The following ZNF804B variants were observed in gnomAD, a reference collection of about 807,000 sequenced individuals.
ZNF804B encodes zinc finger 804B.
A neutral mutation model predicts 101.4 loss-of-function variants in ZNF804B; 80 were observed. The observed-to-expected ratio is 0.79, with a 90% CI of 0.66 to 0.95. The LOEUF is 0.95. ZNF804B is among the 40% of genes least tolerant of loss of function. The pLI, the probability that ZNF804B is intolerant of heterozygous loss-of-function variation, is 0.00. For missense variants in ZNF804B, 1,673 were observed against 1,561.9 expected (o/e 1.07, Z -1.20); for synonymous variants, 622 against 558.8 (o/e 1.11, Z -1.59).
At chr7:89,257,654 T>C (rs1413562389) in intron 2 of ZNF804B, among the ~76,000 whole-genome samples, 2 of 152,134 alleles carry the variant, frequency 1.3e-5, no homozygotes, top group African/African-American at 4.8e-5. Flanking sequence ...CATGTGCAGG[T>C]TTGTTATAGA....
intron 1 of ZNF804B, among the ~76,000 whole-genome samples, chr7:89,015,442 C>T (rs1037025756): frequency 1.3e-5 from 2 of 151,768 alleles, no homozygotes; most frequent in Admixed American, 6.6e-5. Context: ...CCCATTAACT[C>T]GTCATTTAGC....
Position 89,288,837 on chromosome 7 carries a change from T to C in ZNF804B, c.250-38507T>C, listed in dbSNP as rs528749726. 1.4e-3 allele frequency among the ~76,000 whole-genome samples: 220 copies of C among 152,296 alleles called. 1 individual carries two copies. The South Asian group carries it at 0.018, about 13-fold the overall frequency. On this transcript the variant is annotated intron_variant, in intron 2 of 3. Transcript: ENST00000333190. ...AGAACATCAGAAAGGGTAAATATATTGGTAAATATAAAAGATGATTGACTT... is the reference window on the plus strand; with the variant it reads ...AGAACATCAGAAAGGGTAAATATATCGGTAAATATAAAAGATGATTGACTT...
chr7:89,176,571 TTTTCTTTCTTTC>T (rs1322230086), intron 1 of ZNF804B, among the ~76,000 whole-genome samples: 1 of 123,698 alleles, frequency 8.1e-6, no homozygotes, highest in Non-Finnish European at 1.7e-5. Flanking sequence ...CTTTTCTTTT[TTTTCTTTCTTTC>T]TTTCTTTCTT....
chr7:89,158,895 C>A (rs1036310288), intron 1 of ZNF804B, among the ~76,000 whole-genome samples: 1 of 152,114 alleles, frequency 6.6e-6, no homozygotes, highest in South Asian at 2.1e-4. Flanking sequence ...TTGAACCTCT[C>A]TCTATTGTGA....
intron 2 of ZNF804B, among the ~76,000 whole-genome samples, chr7:89,319,669 A>T (rs1790789794): frequency 6.6e-6 from 1 of 152,222 alleles, no homozygotes; most frequent in Non-Finnish European, 1.5e-5. Context: ...TACTTCTGAG[A>T]TAGAAGAATA....
At chr7:89,235,428 G>A (rs1212774933) in intron 2 of ZNF804B, among the ~76,000 whole-genome samples, 1 of 152,056 alleles carries the variant, frequency 6.6e-6, no homozygotes, top group Admixed American at 6.5e-5. Context: ...GGTCCATGGT[G>A]GTACACATGG....
chr7:89,037,272 C>A (rs763961942), intron 1 of ZNF804B, among the ~76,000 whole-genome samples: 1 of 151,936 alleles, frequency 6.6e-6, no homozygotes, highest in Non-Finnish European at 1.5e-5. Flanking sequence ...ATGTACAGAC[C>A]ACCAACATGC....
rs1363059542 is a variant in ZNF804B, at chr7:88,874,348, T to C, written c.108+114264T>C. Among the ~76,000 whole-genome samples the C allele has an allele frequency of 2.0e-5, 3 of 151,872 alleles. 1 individual carries two copies. The highest frequency in any genetic ancestry group is 2.0e-4 in the Admixed American group (3 of 15,232). On this transcript the variant is annotated intron_variant, in intron 1 of 3. Transcript: ENST00000333190. ...ATCCTGAGACTTTGCTGAAGTTGCT[T>C]ATCAGCTTAAGGAGATTTTGGGCTG...
chr7:89,036,894 A>T (rs976659671), intron 1 of ZNF804B, among the ~76,000 whole-genome samples: 3 of 152,142 alleles, frequency 2.0e-5, no homozygotes, highest in Admixed American at 2.0e-4. Context: ...CAGACAATAA[A>T]CAGTCAGAGT....
intron 1 of ZNF804B, among the ~76,000 whole-genome samples, chr7:88,783,344 G>A (rs1790256859): frequency 6.6e-6 from 1 of 152,086 alleles, no homozygotes; most frequent in Non-Finnish European, 1.5e-5. Context: ...AGGGGAGAAT[G>A]AGAAAGATGG....
intron 1 of ZNF804B, among the ~76,000 whole-genome samples, chr7:88,777,289 C>G (rs1042851796): frequency 1.3e-5 from 2 of 152,200 alleles, no homozygotes; most frequent in African/African-American, 4.8e-5. Context: ...CGCTAAGATG[C>G]TAAGGCAGTT....
intron 1 of ZNF804B, among the ~76,000 whole-genome samples, chr7:88,814,624 C>T (rs1007865414): frequency 6.6e-6 from 1 of 151,966 alleles, no homozygotes; most frequent in South Asian, 2.1e-4. Context: ...TAAATTTGGC[C>T]TCTATATTTT....
intron 1 of ZNF804B, among the ~76,000 whole-genome samples, chr7:88,851,386 AAAAGACACATTTTGGGAGAGAGGAAC>A (rs746049750): frequency 2.6e-5 from 4 of 152,244 alleles, no homozygotes; most frequent in African/African-American, 2.4e-5. Flanking sequence ...GCCAAAGGAA[AAAAGACACATTTTGGGAGAGAGGAAC>A]AAAGACACCA....
chr7:89,101,319 A>G (rs1451760826), intron 1 of ZNF804B, among the ~76,000 whole-genome samples: 1 of 152,044 alleles, frequency 6.6e-6, no homozygotes, highest in East Asian at 1.9e-4. Flanking sequence ...AGAAGTGAAT[A>G]TTTTGTATAC....
chr7:89,228,055 T>G (rs753504759), intron 2 of ZNF804B, among the ~76,000 whole-genome samples: 10 of 152,208 alleles, frequency 6.6e-5, no homozygotes, highest in Non-Finnish European at 1.2e-4. Context: ...AGAATGAAGC[T>G]GCAGACCCTC....
At chr7:88,854,491 C>CCTTTG (rs1791514520) in intron 1 of ZNF804B, among the ~76,000 whole-genome samples, 1 of 76,946 alleles carries the variant, frequency 1.3e-5, no homozygotes, top group African/African-American at 7.3e-5. Context: ...CCTTTCCTTT[C>CCTTTG]CTTTCCTTTC....
At chr7:88,970,471 T>A (rs3899697) in intron 1 of ZNF804B, among the ~76,000 whole-genome samples, 52,625 of 151,228 alleles carry the variant, frequency 0.35, 9,697 homozygotes, top group Middle Eastern at 0.44. Context: ...AACCAGATAT[T>A]CTAAGATTTC....
chr7:88,861,098 T>C (rs1000959358), intron 1 of ZNF804B, among the ~76,000 whole-genome samples: 2 of 152,166 alleles, frequency 1.3e-5, no homozygotes, highest in African/African-American at 4.8e-5. Flanking sequence ...TATATATTAA[T>C]CTACTAGAGT....
chr7:88,777,901 T>A (rs1790169141), intron 1 of ZNF804B, among the ~76,000 whole-genome samples: 1 of 148,204 alleles, frequency 6.7e-6, no homozygotes, highest in East Asian at 2.0e-4. Flanking sequence ...CATTAACTAA[T>A]GAAGGAAATT....
Sources: gnomAD v4.1 joint callset for allele counts (sites outside exome capture counted in the v4.1 genomes callset) on GRCh38, gnomAD v4.1.1 for gene constraint, MANE v1.5 for transcripts, NCBI Gene and HGNC (gene_info 2026-07-23, HGNC 2026-07-21) for gene names.